AFG1L: variants seen among roughly 807,000 people sequenced by gnomAD.
AFG1L encodes the protein AFG1 like ATPase.
In AFG1L, 53 loss-of-function variants were observed where a neutral mutation model predicts 62.2. That is an observed-to-expected ratio of 0.85 (90% CI 0.68 to 1.07). AFG1L has a LOEUF of 1.07. Among genes scored for constraint, AFG1L ranks in the 50% least tolerant of loss-of-function variants. The pLI is 0.00. For missense variants in AFG1L, 555 were observed against 590.5 expected, an observed-to-expected ratio of 0.94 and a Z score of 0.62; for synonymous variants, 228 against 210.3, an observed-to-expected ratio of 1.08 and a Z score of -0.73.
At chr6:108,433,217 A>G (rs1229909062) in intron 7 of AFG1L, among the ~76,000 whole-genome samples, 1 of 152,168 alleles carries the variant, frequency 6.6e-6, no homozygotes, top group Non-Finnish European at 1.5e-5. Context: ...TTATTATTTA[A>G]TTGGTCTTCT....
At chr6:108,348,708 A>G (rs1778963607) in intron 3 of AFG1L, among the ~76,000 whole-genome samples, 1 of 152,208 alleles carries the variant, frequency 6.6e-6, no homozygotes, top group African/African-American at 2.4e-5. Flanking sequence ...ATGTTCCTGC[A>G]CCTTTGGGCA....
chr6:108,375,342 C>G (rs1255459039), intron 6 of AFG1L, among the ~76,000 whole-genome samples: 2 of 152,258 alleles, frequency 1.3e-5, no homozygotes, highest in Non-Finnish European at 2.9e-5. Flanking sequence ...CCTGATTGCT[C>G]TGGCTAGCAC....
At chr6:108,399,178 G>GTTTTTTTT (rs57304886) in intron 6 of AFG1L, among the ~76,000 whole-genome samples, 9 of 62,228 alleles carry the variant, frequency 1.4e-4, no homozygotes, top group African/African-American at 5.4e-4. Flanking sequence ...TCTTTTGTTT[G>GTTTTTTTT]TTTTTTTTTT....
intron 8 of AFG1L, among the ~76,000 whole-genome samples, chr6:108,457,307 C>A (rs926306134): frequency 4.0e-5 from 6 of 151,850 alleles, no homozygotes; most frequent in Non-Finnish European, 8.8e-5. Context: ...TTAAGATTCC[C>A]TTTTACTTCT....
chr6:108,349,261 A>G (rs2114428866), intron 3 of AFG1L, among the ~76,000 whole-genome samples: 1 of 152,178 alleles, frequency 6.6e-6, no homozygotes, highest in African/African-American at 2.4e-5. Flanking sequence ...AGGCGAGTGG[A>G]TTGCCTAAGC....
At chr6:108,304,505 C>CA (rs1037021900) in intron 1 of AFG1L, among the ~76,000 whole-genome samples, 7 of 152,134 alleles carry the variant, frequency 4.6e-5, no homozygotes. Context: ...AAAATCAGCA[C>CA]AAATGTACAA....
At chr6:108,501,860 T>C (rs1202051362) in intron 10 of AFG1L, among the ~76,000 whole-genome samples, 3 of 152,226 alleles carry the variant, frequency 2.0e-5, no homozygotes, top group Non-Finnish European at 4.4e-5. Flanking sequence ...TCCCGGTACA[T>C]ATAAAAGTTA....
chr6:108,321,253 CAG>C (rs951574730), intron 1 of AFG1L, among the ~76,000 whole-genome samples: 6 of 152,182 alleles, frequency 3.9e-5, no homozygotes, highest in Admixed American at 3.9e-4. Flanking sequence ...TCACAGAACT[CAG>C]GGGAAAATTT....
At chr6:108,334,684 T>C (rs556315389) in intron 2 of AFG1L, among the ~76,000 whole-genome samples, 2 of 152,300 alleles carry the variant, frequency 1.3e-5, no homozygotes, top group African/African-American at 2.4e-5. Context: ...TGAATACTTA[T>C]AAATCTGATC....
intron 12 of AFG1L, 90 bp downstream of exon 12, chr6:108,519,900 A>G (rs1004054466): frequency 3.6e-5 from 26 of 726,230 alleles, no homozygotes; most frequent in Non-Finnish European, 5.7e-5. Context: ...GAAGAAATGC[A>G]GTGTATAGTT....
chr6:108,493,304 G>A (rs1009868679), intron 10 of AFG1L, among the ~76,000 whole-genome samples: 2 of 152,212 alleles, frequency 1.3e-5, no homozygotes, highest in East Asian at 3.8e-4. Context: ...TCGTCTGGTG[G>A]TGAAGATAGC....
chr6:108,346,906 T>A (rs1388473215), intron 2 of AFG1L, 82 bp from the exon 3 acceptor site: 1 of 1,046,944 alleles, frequency 9.6e-7, no homozygotes, highest in Non-Finnish European at 1.5e-6. Flanking sequence ...GTTCTGTATA[T>A]AGGACAGTTA....
intron 6 of AFG1L, among the ~76,000 whole-genome samples, chr6:108,382,150 G>A (rs552230784): frequency 2.6e-5 from 4 of 151,982 alleles, no homozygotes; most frequent in Admixed American, 6.6e-5. Flanking sequence ...ACAGGCACGC[G>A]CCACCACACC....
intron 1 of AFG1L, among the ~76,000 whole-genome samples, chr6:108,313,504 C>A (rs1335902770): frequency 6.6e-6 from 1 of 152,128 alleles, no homozygotes; most frequent in Non-Finnish European, 1.5e-5. Context: ...TGCTAACTCC[C>A]TGGCCCAAAT....
chr6:108,453,349 T>G (rs1772131261), intron 8 of AFG1L, among the ~76,000 whole-genome samples: 5 of 152,240 alleles, frequency 3.3e-5, no homozygotes, highest in Admixed American at 3.3e-4. Flanking sequence ...AAAAGTTTTT[T>G]CTTAAATACT....
chr6:108,402,383 G>C (rs552584088), intron 7 of AFG1L, among the ~76,000 whole-genome samples: 15 of 148,988 alleles, frequency 1.0e-4, no homozygotes, highest in Non-Finnish European at 2.2e-4. Context: ...AGAATCATTT[G>C]AACCCTGGAG....
intron 1 of AFG1L, among the ~76,000 whole-genome samples, chr6:108,317,334 G>A (rs1013589899): frequency 7.2e-5 from 11 of 152,080 alleles, no homozygotes; most frequent in Admixed American, 2.0e-4. Context: ...ACAATTTCAC[G>A]GGCAGGGGGC....
At chr6:108,427,320 G>A (rs376252775) in intron 7 of AFG1L, among the ~76,000 whole-genome samples, 51 of 151,708 alleles carry the variant, frequency 3.4e-4, no homozygotes, top group Admixed American at 2.3e-3. Context: ...AACCCGTGGC[G>A]TTATATAATT....
At chr6:108,501,390 C>T (rs533833905) in intron 10 of AFG1L, among the ~76,000 whole-genome samples, 6 of 152,194 alleles carry the variant, frequency 3.9e-5, no homozygotes, top group Admixed American at 3.3e-4. Context: ...ATGGTTGACT[C>T]TCTGTAATTT....
Sources: gnomAD v4.1 joint callset for allele counts (sites outside exome capture counted in the v4.1 genomes callset) on GRCh38, gnomAD v4.1.1 for gene constraint, MANE v1.5 for transcripts, NCBI Gene and HGNC (gene_info 2026-07-23, HGNC 2026-07-21) for gene names.